The following UGT2A3 variants were observed in gnomAD, a reference collection of about 807,000 sequenced individuals.
The protein encoded by UGT2A3 is UDP glucuronosyltransferase family 2 member A3.
UGT2A3 carries 55 observed loss-of-function variants against 44.1 expected under a neutral mutation model. That is an observed-to-expected ratio of 1.25 (90% CI 1.00 to 1.56). The LOEUF is 1.56. UGT2A3 is among the 40% of genes most tolerant of loss of function. The probability of loss-of-function intolerance (pLI) is 0.00; values close to 1 mark genes in which losing one functional copy is unlikely to be tolerated. For synonymous variants in UGT2A3, 243 were observed against 215.1 expected (o/e 1.13, Z -1.13); for missense variants, 733 against 621.6 (o/e 1.18, Z -1.91).
intron 2 of UGT2A3, among the ~76,000 whole-genome samples, chr4:68,934,905 T>A (rs1048828858): frequency 4.0e-5 from 6 of 150,754 alleles, no homozygotes; most frequent in African/African-American, 1.5e-4. Context: ...AGGAAAAAAA[T>A]GACACTAGAA....
At chr4:68,932,815 A>G in intron 2 of UGT2A3, 56 bp from the exon 3 acceptor site, 1 of 1,522,754 alleles carries the variant, frequency 6.6e-7, no homozygotes, top group Non-Finnish European at 8.9e-7. Context: ...AAATTAAAAT[A>G]AAGGTTACTT....
At chr4:68,945,851 C>T (rs896579948) in intron 1 of UGT2A3, among the ~76,000 whole-genome samples, 2 of 151,524 alleles carry the variant, frequency 1.3e-5, no homozygotes, top group African/African-American at 4.8e-5. Context: ...TTTTCCTCTG[C>T]AAGTGAATTG....
At chr4:68,933,417 T>C (rs1197659520) in intron 2 of UGT2A3, among the ~76,000 whole-genome samples, 2 of 152,046 alleles carry the variant, frequency 1.3e-5, no homozygotes, top group Non-Finnish European at 2.9e-5. Context: ...TGAATCATTG[T>C]GAGAAGCCTT....
At chr4:68,940,644 A>G (rs1036411142) in intron 2 of UGT2A3, among the ~76,000 whole-genome samples, 1 of 151,410 alleles carries the variant, frequency 6.6e-6, no homozygotes, top group Non-Finnish European at 1.5e-5. Context: ...ATGTATACCT[A>G]TGTAACTGAC....
Position 68,943,880 on chromosome 4 carries a change from T to C in UGT2A3, c.864+1426A>G, listed in dbSNP as rs983389960. Among the ~76,000 whole-genome samples the C allele has an allele frequency of 3.6e-4, 54 of 151,880 alleles. 1 individual carries two copies. Among genetic ancestry groups the C allele is most frequent in the Admixed American group, 1.8e-3 (27 of 15,198 alleles). ...AGAATGCCTCCATGGACTTTGTGCC[T>C]GCTTGCATTAAACCTACCAATTACA... On this transcript the variant is annotated intron_variant, in intron 2 of 5. Coordinates refer to ENST00000251566, the MANE Select transcript of UGT2A3 (RefSeq NM_024743.4).
chr4:68,932,797 T>A (rs1717784951), intron 2 of UGT2A3, 38 bp from the exon 3 acceptor site: 1 of 1,566,658 alleles, frequency 6.4e-7, no homozygotes, highest in African/African-American at 1.4e-5. Flanking sequence ...AGAGGCATAA[T>A]ATAACAAAAA....
Position 68,928,705 on chromosome 4 carries a change from C to A in UGT2A3, c.*1108G>T, listed in dbSNP as rs1022298136. 2 of 151,754 alleles carry A rather than the reference C, an allele frequency of 1.3e-5. No homozygotes were observed. Among genetic ancestry groups the A allele is most frequent in the African/African-American group, 4.8e-5 (2 of 41,372 alleles). The allele number at this position is 151,754 out of a possible 1,614,324, so 9.4% of individuals were successfully genotyped here. A position where few individuals can be genotyped will look rare whatever the true frequency, so the allele number is the denominator to read the frequency against. On this transcript the variant is annotated 3_prime_UTR_variant, in exon 6 of 6. Coordinates refer to ENST00000251566, the MANE Select transcript of UGT2A3 (RefSeq NM_024743.4). ...AAAAATGAGAAGATTAACATATTTG[C>A]TTATTAGTGTAAACATTATTACACT... is the stretch of plus-strand genomic sequence containing the variant.
intron 2 of UGT2A3, among the ~76,000 whole-genome samples, chr4:68,934,990 T>A (rs2109780717): frequency 6.6e-6 from 1 of 151,394 alleles, no homozygotes; most frequent in South Asian, 2.1e-4. Flanking sequence ...AATAAACAAT[T>A]TAGTGGACAC....
intron 1 of UGT2A3, among the ~76,000 whole-genome samples, chr4:68,950,709 G>T (rs1486499421): frequency 1.3e-5 from 2 of 151,694 alleles, no homozygotes; most frequent in Non-Finnish European, 2.9e-5. Context: ...TGATGAGAGA[G>T]AAAATAATGA....
intron 2 of UGT2A3, among the ~76,000 whole-genome samples, chr4:68,934,935 G>T (rs923676872): frequency 6.6e-6 from 1 of 151,432 alleles, no homozygotes; most frequent in Admixed American, 6.6e-5. Flanking sequence ...ACTATAAAAG[G>T]CTTCTATGGA....
In UGT2A3 at chr4:68,930,539, T is replaced by C; in HGVS notation, c.1304+7A>G. ...TTAGATCAGTCTGTACAAGCAGTAG[T>C]ACTTACGAGGAATCGGTAATGACTG... On this transcript the variant is annotated splice_region_variant and intron_variant, in intron 5 of 5. Transcript: ENST00000251566. 6.2e-7 allele frequency: 1 copy of C among 1,601,180 alleles called. No individual in the cohort carries two copies. The highest frequency in any genetic ancestry group is 1.1e-5 in the South Asian group (1 of 88,928).
chr4:68,933,807 G>A (rs1245956601), intron 2 of UGT2A3, among the ~76,000 whole-genome samples: 3 of 151,982 alleles, frequency 2.0e-5, no homozygotes, highest in Non-Finnish European at 2.9e-5. Context: ...TGTTTTCATG[G>A]TCATGATAAG....
chr4:68,945,622 AAAG>A (rs1718358273), intron 1 of UGT2A3, among the ~76,000 whole-genome samples, 168 bp from the exon 2 acceptor site: 1 of 151,266 alleles, frequency 6.6e-6, no homozygotes, highest in African/African-American at 2.4e-5. Context: ...AAAGAAGAAA[AAAG>A]AAAGAAAGGA....
intron 2 of UGT2A3, among the ~76,000 whole-genome samples, chr4:68,942,349 A>ATATATG (rs758417189): frequency 0.06 from 8,814 of 147,898 alleles, 398 homozygotes; most frequent in Admixed American, 0.12. Context: ...CTATATATAT[A>ATATATG]TATGCAATGA....
chr4:68,945,566 A>G, intron 1 of UGT2A3, 112 bp from the exon 2 acceptor site: 3 of 728,460 alleles, frequency 4.1e-6, no homozygotes, highest in Non-Finnish European at 6.1e-6. Flanking sequence ...CTCTAGAACA[A>G]CATGGCTTTT....
At chr4:68,933,864 C>T (rs910391812) in intron 2 of UGT2A3, among the ~76,000 whole-genome samples, 31 of 152,094 alleles carry the variant, frequency 2.0e-4, no homozygotes, top group Admixed American at 1.4e-3. Flanking sequence ...TTTAGCTCTA[C>T]TGCACTATTT....
rs1454361833 is a variant in UGT2A3 at position 68,932,677 on chromosome 4, T to C, written c.947A>G (p.Glu316Gly). ...TGAAGCAATGATATTAGCCTTTTCT[T>C]CTGTAACATTTTGAAACAGTGACCC... ...SLGSLFQNVT[E>G]EKANIIASAL... The change falls in exon 3 of 6, where the codon GAA (glutamate) becomes GGA (glycine). Residue 316 changes from glutamate (E) to glycine (G), a missense_variant. Coordinates refer to ENST00000251566, the MANE Select transcript of UGT2A3 (RefSeq NM_024743.4). 6.2e-7 allele frequency: 1 copy of C among 1,612,100 alleles called. No homozygotes were observed. The highest frequency in any genetic ancestry group is 8.5e-7 in the Non-Finnish European group (1 of 1,178,912).
chr4:68,943,862 C>T (rs1460775199), intron 2 of UGT2A3, among the ~76,000 whole-genome samples: 1 of 151,716 alleles, frequency 6.6e-6, no homozygotes, highest in African/African-American at 2.4e-5. Flanking sequence ...CTCAGAATGC[C>T]TCCATGGACT....
intron 4 of UGT2A3, 107 bp downstream of exon 4, chr4:68,931,048 T>A: frequency 2.2e-6 from 2 of 915,124 alleles, no homozygotes; most frequent in South Asian, 1.8e-5. Context: ...AAAGAGTAAG[T>A]AAAATAAAGT....
Sources: gnomAD v4.1 joint callset for allele counts (sites outside exome capture counted in the v4.1 genomes callset) on GRCh38, gnomAD v4.1.1 for gene constraint, MANE v1.5 for transcripts, NCBI Gene and HGNC (gene_info 2026-07-23, HGNC 2026-07-21) for gene names.